WDPCP: variants seen among roughly 807,000 people sequenced by gnomAD.
The protein encoded by WDPCP is WD repeat containing planar cell polarity effector.
A neutral mutation model predicts 93.1 loss-of-function variants in WDPCP; 71 were observed. That is an observed-to-expected ratio of 0.76 (90% CI 0.63 to 0.93). WDPCP has a LOEUF of 0.93. WDPCP is among the 40% of genes least tolerant of loss of function. The pLI is 0.00. For synonymous variants in WDPCP, 315 were observed against 315.0 expected, an observed-to-expected ratio of 1.00 and a Z score of 0.00; for missense variants, 844 against 887.4, an observed-to-expected ratio of 0.95 and a Z score of 0.62.
chr2:63,413,444 C>T (rs1179417800), intron 9 of WDPCP, among the ~76,000 whole-genome samples: 1 of 152,078 alleles, frequency 6.6e-6, no homozygotes. Flanking sequence ...GGAAAAATCC[C>T]TCTGGACATT....
intron 14 of WDPCP, among the ~76,000 whole-genome samples, chr2:63,237,965 C>T (rs1679542231): frequency 6.6e-6 from 1 of 151,256 alleles, no homozygotes; most frequent in African/African-American, 2.4e-5. Context: ...ACATGCATTC[C>T]CCTAGTCTCA....
At chr2:63,721,853 A>C (rs1044512952) in intron 2 of WDPCP, among the ~76,000 whole-genome samples, 8 of 151,668 alleles carry the variant, frequency 5.3e-5, no homozygotes, top group Non-Finnish European at 7.4e-5. Flanking sequence ...GATTCTCCTG[A>C]CTCAGCCTGC....
intron 2 of WDPCP, chr2:63,717,479 A>G (rs1373328992): frequency 2.5e-6 from 1 of 404,822 alleles, no homozygotes; most frequent in Admixed American, 3.0e-5. Flanking sequence ...GGCGGCAAAG[A>G]TGTGTCAGAT....
At chr2:63,342,630 T>A (rs532406092) in intron 12 of WDPCP, among the ~76,000 whole-genome samples, 1 of 152,306 alleles carries the variant, frequency 6.6e-6, no homozygotes, top group Non-Finnish European at 1.5e-5. Context: ...AACATACAAA[T>A]ACTTTGCTTC....
At chr2:63,448,943 A>G (rs1698047161) in intron 6 of WDPCP, among the ~76,000 whole-genome samples, 2 of 152,180 alleles carry the variant, frequency 1.3e-5, no homozygotes, top group African/African-American at 4.8e-5. Flanking sequence ...ATAGTACAAC[A>G]CAGTGGCTAA....
At chr2:63,491,965 T>C (rs1308552578) in intron 2 of WDPCP, among the ~76,000 whole-genome samples, 1 of 152,210 alleles carries the variant, frequency 6.6e-6, no homozygotes, top group African/African-American at 2.4e-5. Context: ...GTTTATACCT[T>C]CTTTATTTTT....
intron 3 of WDPCP, among the ~76,000 whole-genome samples, chr2:63,647,286 C>T (rs1002263324): frequency 4.6e-5 from 7 of 151,928 alleles, no homozygotes; most frequent in African/African-American, 7.3e-5. Context: ...TACAGGTGCC[C>T]GCCACCACGC....
chr2:63,633,676 GA>G (rs1709888898), intron 3 of WDPCP, among the ~76,000 whole-genome samples: 1 of 151,912 alleles, frequency 6.6e-6, no homozygotes, highest in Non-Finnish European at 1.5e-5. Flanking sequence ...AAAGAAGGAA[GA>G]AAGGAACAAA....
rs181654337 is a variant in WDPCP, at chr2:63,332,901, C to T, written c.1749-19590G>A. ...TTGAGATTACAGGTACAACCACACT[C>T]GACCTATTTTTTCCATGTTATATCT... is the stretch of plus-strand genomic sequence containing the variant. On this transcript the variant is annotated intron_variant, in intron 12 of 17. Coordinates refer to ENST00000272321, the MANE Select transcript of WDPCP (RefSeq NM_015910.7). Among the ~76,000 whole-genome samples, 11 of 152,174 alleles carry T rather than the reference C, an allele frequency of 7.2e-5. No homozygotes were observed. In the East Asian group the frequency reaches 1.5e-3, roughly 21 times the overall value.
At chr2:63,711,519 G>A (rs1038296473) in intron 2 of WDPCP, 1 of 152,238 alleles carries the variant, frequency 6.6e-6, no homozygotes, top group Admixed American at 6.5e-5. Flanking sequence ...AACTTTGAGA[G>A]GCCAAGGTTG....
intron 2 of WDPCP, among the ~76,000 whole-genome samples, chr2:63,805,772 T>C (rs1162343468): frequency 6.6e-6 from 1 of 152,204 alleles, no homozygotes; most frequent in Non-Finnish European, 1.5e-5. Flanking sequence ...CACAAATTAT[T>C]AATACAGAAC....
chr2:63,295,136 A>T (rs1284932382), intron 13 of WDPCP, among the ~76,000 whole-genome samples: 2 of 152,200 alleles, frequency 1.3e-5, no homozygotes, highest in African/African-American at 4.8e-5. Context: ...ATAACTGCAA[A>T]GAAAATAGCT....
At chr2:63,156,103 G>C (rs1313041107) in intron 15 of WDPCP, among the ~76,000 whole-genome samples, 1 of 152,000 alleles carries the variant, frequency 6.6e-6, no homozygotes, top group African/African-American at 2.4e-5. Context: ...GGATTCCAGC[G>C]ATTCTCCTGC....
At chr2:63,477,378 A>T (rs114953642) in intron 6 of WDPCP, among the ~76,000 whole-genome samples, 2,734 of 152,292 alleles carry the variant, frequency 0.018, 70 homozygotes, top group African/African-American at 0.059. Flanking sequence ...CTAAAACTAT[A>T]TATCTCATAC....
chr2:63,237,663 C>T (rs143348325), intron 14 of WDPCP, among the ~76,000 whole-genome samples: 2 of 152,218 alleles, frequency 1.3e-5, no homozygotes, highest in African/African-American at 4.8e-5. Context: ...AGAATGAAAT[C>T]ATGTCCTTTG....
intron 14 of WDPCP, 97 bp downstream of exon 14, chr2:63,259,210 A>C (rs1352209938): frequency 9.8e-7 from 1 of 1,025,482 alleles, no homozygotes; most frequent in Non-Finnish European, 1.5e-6. Flanking sequence ...CAAACAAAGT[A>C]ATTCAAATTA....
At chr2:63,796,001 C>CT (rs1213904586) in intron 2 of WDPCP, among the ~76,000 whole-genome samples, 3 of 152,182 alleles carry the variant, frequency 2.0e-5, no homozygotes, top group Admixed American at 6.5e-5. Context: ...TCCCATTCCC[C>CT]TTGCAAGTAA....
At chr2:63,387,328 T>A (rs1575296869) in intron 10 of WDPCP, among the ~76,000 whole-genome samples, 1 of 152,004 alleles carries the variant, frequency 6.6e-6, no homozygotes, top group Middle Eastern at 3.4e-3. Context: ...TAGGTCAACA[T>A]ACACAAATCA....
Position 63,503,907 on chromosome 2 carries a change from G to GA in WDPCP, c.76-10968dup, listed in dbSNP as rs3051720. 3.3e-3 allele frequency among the ~76,000 whole-genome samples: 449 copies of GA among 135,092 alleles called. 1 individual carries two copies. Among genetic ancestry groups the GA allele is most frequent in the African/African-American group, 7.7e-3 (288 of 37,380 alleles). 88.6% of individuals were successfully genotyped at this position (135,092 alleles called of 152,430 possible). ...AGACTGCTATGAAGTGAGCTCAAATGAAAAAAAAAAAAAACAGAAATCCTT... is the reference window on the plus strand; with the variant it reads ...AGACTGCTATGAAGTGAGCTCAAATGAAAAAAAAAAAAAAACAGAAATCCTT... On this transcript the variant is annotated intron_variant, in intron 1 of 17. Transcript: ENST00000272321.
Sources: gnomAD v4.1 joint callset for allele counts (sites outside exome capture counted in the v4.1 genomes callset) on GRCh38, gnomAD v4.1.1 for gene constraint, MANE v1.5 for transcripts, NCBI Gene and HGNC (gene_info 2026-07-23, HGNC 2026-07-21) for gene names.